The following TEAD1 variants were observed in gnomAD, a reference collection of about 807,000 sequenced individuals.
TEAD1 encodes transcriptional enhancer factor TEF-1.
TEAD1 carries 9 observed loss-of-function variants against 54.9 expected under a neutral mutation model. That is an observed-to-expected ratio of 0.16 (90% CI 0.10 to 0.29). The LOEUF is 0.29. Among genes scored for constraint, TEAD1 ranks in the 10% least tolerant of loss-of-function variants. TEAD1 has a pLI of 1.00. For synonymous variants in TEAD1, 200 were observed against 187.8 expected, an observed-to-expected ratio of 1.07 and a Z score of -0.53; for missense variants, 387 against 535.9, an observed-to-expected ratio of 0.72 and a Z score of 2.74.
At chr11:12,883,161 G>C (rs774629378) in intron 9 of TEAD1, 36 bp downstream of exon 9, 2 of 1,613,870 alleles carry the variant, frequency 1.2e-6, no homozygotes, top group South Asian at 2.2e-5. Flanking sequence ...TTGAATCCAG[G>C]ATTTCTTTCC....
chr11:12,880,643 A>C (rs539597704), intron 6 of TEAD1, among the ~76,000 whole-genome samples: 1 of 152,306 alleles, frequency 6.6e-6, no homozygotes, highest in East Asian at 1.9e-4. Flanking sequence ...GCAGAATATT[A>C]TGCAGGGAAT....
At chr11:12,676,604 C>T (rs1943097680) in intron 2 of TEAD1, among the ~76,000 whole-genome samples, 2 of 152,218 alleles carry the variant, frequency 1.3e-5, no homozygotes, top group South Asian at 4.1e-4. Flanking sequence ...ATCTTTTCCT[C>T]TTTAGAAGGA....
intron 2 of TEAD1, among the ~76,000 whole-genome samples, chr11:12,731,948 C>T (rs1333900572): frequency 6.6e-6 from 1 of 152,168 alleles, no homozygotes; most frequent in Admixed American, 6.5e-5. Flanking sequence ...CTGAATGCCA[C>T]ATTTCTAATC....
chr11:12,847,083 TG>T lies in TEAD1; in HGVS notation c.203-15166del, dbSNP rs1947171090. Among the ~76,000 whole-genome samples, 3 of 152,350 alleles carry T rather than the reference TG, an allele frequency of 2.0e-5. No individual in the cohort carries two copies. The South Asian group carries it at 6.2e-4, about 32-fold the overall frequency. On this transcript the variant is annotated intron_variant, in intron 3 of 12. Transcript: ENST00000527636. ...GTGCCTGCCAACACAGTGCTTTCTC[TG>T]TCTTCCTGCGGCTTCCCCCTCCCTT...
chr11:12,896,135 G>GT (rs1411033131), intron 9 of TEAD1, among the ~76,000 whole-genome samples: 1 of 152,026 alleles, frequency 6.6e-6, no homozygotes, highest in African/African-American at 2.4e-5. Context: ...ATTGTAAAAC[G>GT]TTTTTTTCTG....
intron 12 of TEAD1, among the ~76,000 whole-genome samples, chr11:12,936,413 C>G (rs1949100213): frequency 6.6e-6 from 1 of 152,162 alleles, no homozygotes; most frequent in Non-Finnish European, 1.5e-5. Context: ...TCCCACTGTT[C>G]CTTGATTCAG....
At chr11:12,717,789 G>A (rs1240040945) in intron 2 of TEAD1, among the ~76,000 whole-genome samples, 2 of 152,156 alleles carry the variant, frequency 1.3e-5, no homozygotes, top group South Asian at 2.1e-4. Flanking sequence ...ATGGCTTAGC[G>A]GTCAGCAGGA....
At position 12,727,534 on chromosome 11, in the gene TEAD1, A is replaced by G. The variant is rs551552931; in HGVS notation, c.-54-36645A>G. Among the ~76,000 whole-genome samples, 4 of 152,290 alleles carry G rather than the reference A, an allele frequency of 2.6e-5. No individual in the cohort carries two copies. The South Asian group carries it at 8.3e-4, about 32-fold the overall frequency. ...GAATGCCTAGGAAAAGCATTTTTTAAAAATATTAAGTATGAAGCCATTGTG... is the reference window on the plus strand; with the variant it reads ...GAATGCCTAGGAAAAGCATTTTTTAGAAATATTAAGTATGAAGCCATTGTG... On this transcript the variant is annotated intron_variant, in intron 2 of 12. Coordinates refer to ENST00000527636, the MANE Select transcript of TEAD1 (RefSeq NM_021961.6).
At chr11:12,696,773 C>T (rs2133832215) in intron 2 of TEAD1, among the ~76,000 whole-genome samples, 1 of 152,190 alleles carries the variant, frequency 6.6e-6, no homozygotes, top group Non-Finnish European at 1.5e-5. Flanking sequence ...AAAGGGAGCT[C>T]CATTTGGTTA....
intron 9 of TEAD1, among the ~76,000 whole-genome samples, chr11:12,889,491 A>G (rs1948154531): frequency 1.3e-5 from 2 of 152,204 alleles, no homozygotes; most frequent in Non-Finnish European, 2.9e-5. Context: ...TCTGGATGCC[A>G]TAGTGAGCAG....
chr11:12,885,516 C>T (rs925526880), intron 9 of TEAD1, among the ~76,000 whole-genome samples: 4 of 152,184 alleles, frequency 2.6e-5, no homozygotes, highest in East Asian at 1.9e-4. Context: ...GGATTACAGG[C>T]GTGAGGCACC....
chr11:12,721,200 T>G (rs1944189253), intron 2 of TEAD1, among the ~76,000 whole-genome samples: 1 of 152,042 alleles, frequency 6.6e-6, no homozygotes, highest in African/African-American at 2.4e-5. Context: ...GACGAGTGAG[T>G]GTAGAAGCAC....
At chr11:12,855,965 A>T (rs1389770787) in intron 3 of TEAD1, among the ~76,000 whole-genome samples, 1 of 145,074 alleles carries the variant, frequency 6.9e-6, no homozygotes, top group Non-Finnish European at 1.5e-5. Flanking sequence ...AAAAAAAAGG[A>T]GTGGTGGGGG....
chr11:12,881,690 A>G (rs1009938597), intron 7 of TEAD1, among the ~76,000 whole-genome samples: 12 of 152,134 alleles, frequency 7.9e-5, no homozygotes, highest in African/African-American at 2.7e-4. Context: ...TTGAACTGGA[A>G]TGAGGCTTGG....
chr11:12,691,524 T>A (rs1174246394), intron 2 of TEAD1, among the ~76,000 whole-genome samples: 1 of 152,200 alleles, frequency 6.6e-6, no homozygotes, highest in African/African-American at 2.4e-5. Context: ...GTAAAAGCTT[T>A]CCTTGCACAC....
chr11:12,851,748 C>A (rs1353273853), intron 3 of TEAD1, among the ~76,000 whole-genome samples: 1 of 151,700 alleles, frequency 6.6e-6, no homozygotes, highest in African/African-American at 2.4e-5. Context: ...GAGCTGAGAT[C>A]ATTCCACTGC....
chr11:12,914,351 G>A (rs548743732), intron 10 of TEAD1, among the ~76,000 whole-genome samples: 28 of 152,238 alleles, frequency 1.8e-4, no homozygotes, highest in African/African-American at 6.5e-4. Context: ...CATAATTAGC[G>A]GGAAGTAACT....
chr11:12,726,195 T>C (rs570046899), intron 2 of TEAD1, among the ~76,000 whole-genome samples: 1 of 152,180 alleles, frequency 6.6e-6, no homozygotes, highest in African/African-American at 2.4e-5. Flanking sequence ...CACATAACTA[T>C]TGGAGTGGGA....
chr11:12,782,011 G>A (rs116299129), intron 3 of TEAD1, among the ~76,000 whole-genome samples: 1,527 of 150,248 alleles, frequency 0.01, 29 homozygotes, highest in African/African-American at 0.036. Context: ...TTAGCCAAGC[G>A]TGGTAGTGCA....
Sources: allele counts gnomAD v4.1 joint callset (sites outside exome capture counted in the v4.1 genomes callset), GRCh38; gene constraint gnomAD v4.1.1; transcripts MANE v1.5; gene names NCBI Gene and HGNC (gene_info 2026-07-23, HGNC 2026-07-21).